Variants in KCNH5 observed in about 807,000 individuals in gnomAD.
KCNH5 encodes voltage-gated delayed rectifier potassium channel KCNH5.
KCNH5 carries 46 observed loss-of-function variants against 96.1 expected under a neutral mutation model. That is an observed-to-expected ratio of 0.48 (90% CI 0.38 to 0.61). The LOEUF (loss-of-function observed/expected upper bound fraction) is 0.61, where lower values mean the gene tolerates loss of function less well. Among genes scored for constraint, KCNH5 ranks in the 20% least tolerant of loss-of-function variants. The pLI, the probability that KCNH5 is intolerant of heterozygous loss-of-function variation, is 0.00. For missense variants in KCNH5, 907 were observed against 1,225.8 expected (o/e 0.74, Z 3.88); for synonymous variants, 439 against 449.8 (o/e 0.98, Z 0.30).
At chr14:62,881,583 A>C (rs187329877) in intron 7 of KCNH5, among the ~76,000 whole-genome samples, 2 of 152,250 alleles carry the variant, frequency 1.3e-5, no homozygotes, top group East Asian at 3.9e-4. Flanking sequence ...CCAGGACACG[A>C]GTTTACCTAT....
intron 8 of KCNH5, among the ~76,000 whole-genome samples, chr14:62,812,162 T>G (rs748415813): frequency 6.6e-6 from 1 of 152,158 alleles, no homozygotes; most frequent in Non-Finnish European, 1.5e-5. Context: ...TACCTTCTCA[T>G]GTTTTCTGGT....
At chr14:63,011,395 T>G (rs529460808) in intron 2 of KCNH5, among the ~76,000 whole-genome samples, 37 of 151,888 alleles carry the variant, frequency 2.4e-4, no homozygotes, top group African/African-American at 8.2e-4. Context: ...AAAGAATCAC[T>G]TGAACCCAGG....
intron 7 of KCNH5, among the ~76,000 whole-genome samples, chr14:62,863,782 C>T (rs1407332465): frequency 6.6e-6 from 1 of 152,066 alleles, no homozygotes; most frequent in Non-Finnish European, 1.5e-5. Context: ...GTAAACCAGG[C>T]AGCCATTAAG....
intron 6 of KCNH5, among the ~76,000 whole-genome samples, chr14:62,968,117 C>G (rs1226052246): frequency 6.6e-6 from 1 of 152,164 alleles, no homozygotes; most frequent in Admixed American, 6.5e-5. Flanking sequence ...ATCTTTAAAG[C>G]TGTGTATTAC....
chr14:62,839,343 A>G (rs927377567), intron 8 of KCNH5, among the ~76,000 whole-genome samples: 8 of 152,192 alleles, frequency 5.3e-5, no homozygotes, highest in Non-Finnish European at 4.4e-5. Context: ...TATTCATAAT[A>G]AATAATATAT....
rs746884857 is a variant in KCNH5 at position 62,707,803 on chromosome 14, T to C, written c.2672A>G (p.Gln891Arg). Residue 891 changes from glutamine (Q) to arginine (R), a missense_variant, in exon 11 of 11, where the codon CAG (glutamine) becomes CGG (arginine). By Grantham distance (43) the Gln-to-Arg change is conservative (BLOSUM62 1). Transcript: ENST00000322893. ...ATAAAAGGGGTGCTTGGCATCAGCC[T>C]GGATGGGACTGTGCTCTAGCGGACT... ...ARSPLEHSPI[Q>R]ADAKHPFYPI... is the part of the protein sequence containing the mutation. The C allele has an allele frequency of 5.0e-6, 8 of 1,614,196 alleles. No homozygotes were observed. The highest frequency in any genetic ancestry group is 3.3e-5 in the Admixed American group (2 of 60,028).
intron 10 of KCNH5, among the ~76,000 whole-genome samples, chr14:62,778,651 T>C (rs776061433): frequency 1.9e-4 from 29 of 152,272 alleles, no homozygotes; most frequent in African/African-American, 6.8e-4. Flanking sequence ...TATAGGTCTA[T>C]TGAGCATACG....
At chr14:62,977,901 G>A (rs1409232462) in intron 6 of KCNH5, among the ~76,000 whole-genome samples, 2 of 152,204 alleles carry the variant, frequency 1.3e-5, no homozygotes, top group Admixed American at 1.3e-4. Context: ...AAAGAGGGAA[G>A]GAAGACTCAG....
intron 1 of KCNH5, among the ~76,000 whole-genome samples, chr14:63,018,835 G>A (rs1891375589): frequency 6.6e-6 from 1 of 151,838 alleles, no homozygotes; most frequent in South Asian, 2.1e-4. Context: ...TTATTAGACA[G>A]GCAAGAAATG....
intron 7 of KCNH5, among the ~76,000 whole-genome samples, chr14:62,858,876 C>T (rs1023992482): frequency 2.0e-5 from 3 of 152,180 alleles, no homozygotes; most frequent in African/African-American, 7.2e-5. Flanking sequence ...GTAATTCTGA[C>T]TTCAAAAGAC....
intron 7 of KCNH5, among the ~76,000 whole-genome samples, chr14:62,922,547 C>T (rs1889399307): frequency 6.6e-6 from 1 of 151,862 alleles, no homozygotes; most frequent in Non-Finnish European, 1.5e-5. Context: ...CAAAAACCAT[C>T]AACAAAATAC....
At chr14:62,874,295 CA>C (rs1408106206) in intron 7 of KCNH5, among the ~76,000 whole-genome samples, 1 of 151,954 alleles carries the variant, frequency 6.6e-6, no homozygotes, top group Non-Finnish European at 1.5e-5. Context: ...AAAACCTCAT[CA>C]AAAAGTAGGC....
intron 9 of KCNH5, among the ~76,000 whole-genome samples, chr14:62,792,768 C>T (rs1886460263): frequency 6.6e-6 from 1 of 151,604 alleles, no homozygotes; most frequent in South Asian, 2.1e-4. Flanking sequence ...CTAACTCTAA[C>T]CTATGATGCA....
At chr14:62,963,076 G>A (rs1199786889) in intron 6 of KCNH5, among the ~76,000 whole-genome samples, 1 of 152,020 alleles carries the variant, frequency 6.6e-6, no homozygotes, top group Non-Finnish European at 1.5e-5. Context: ...TCATCATGTA[G>A]GCATTTTTTC....
intron 7 of KCNH5, among the ~76,000 whole-genome samples, 172 bp from the exon 8 acceptor site, chr14:62,850,024 T>G (rs1887773395): frequency 6.6e-6 from 1 of 152,156 alleles, no homozygotes; most frequent in Non-Finnish European, 1.5e-5. Context: ...CAGAAAACAT[T>G]ACCTGCAGTA....
chr14:62,987,858 A>G (rs1890739508), intron 4 of KCNH5, among the ~76,000 whole-genome samples: 1 of 152,158 alleles, frequency 6.6e-6, no homozygotes, highest in African/African-American at 2.4e-5. Context: ...TAGTCCTTCA[A>G]TGTGTTTGTG....
intron 7 of KCNH5, among the ~76,000 whole-genome samples, chr14:62,911,379 C>T (rs1889151125): frequency 6.6e-6 from 1 of 150,776 alleles, no homozygotes; most frequent in Non-Finnish European, 1.5e-5. Context: ...CCCAGGTTCA[C>T]ATCATTCTCC....
At chr14:62,825,619 A>G (rs953488575) in intron 8 of KCNH5, among the ~76,000 whole-genome samples, 2 of 152,180 alleles carry the variant, frequency 1.3e-5, no homozygotes, top group South Asian at 2.1e-4. Flanking sequence ...AATAGGCAAT[A>G]CAAACACATC....
chr14:62,831,807 C>T (rs1246254381), intron 8 of KCNH5, among the ~76,000 whole-genome samples: 1 of 152,156 alleles, frequency 6.6e-6, no homozygotes, highest in African/African-American at 2.4e-5. Flanking sequence ...CTCCCTGGCT[C>T]AAGAAATCCT....
Sources: gnomAD v4.1 joint callset for allele counts (sites outside exome capture counted in the v4.1 genomes callset) on GRCh38, gnomAD v4.1.1 for gene constraint, MANE v1.5 for transcripts, NCBI Gene and HGNC (gene_info 2026-07-23, HGNC 2026-07-21) for gene names.